The following NECTIN1 variants were observed in gnomAD, a reference collection of about 807,000 sequenced individuals.
NECTIN1 encodes the protein nectin cell adhesion molecule 1.
In NECTIN1, 23 loss-of-function variants were observed where a neutral mutation model predicts 48.0. The observed-to-expected ratio is 0.48, with a 90% CI of 0.34 to 0.68. The LOEUF is 0.68. Ranked by LOEUF, NECTIN1 falls within the 30% of genes least tolerant of loss-of-function variation. The probability of loss-of-function intolerance (pLI) is 0.01; values close to 1 mark genes in which losing one functional copy is unlikely to be tolerated. For missense variants in NECTIN1, 591 were observed against 709.9 expected, an observed-to-expected ratio of 0.83 and a Z score of 1.90; for synonymous variants, 270 against 288.9, an observed-to-expected ratio of 0.93 and a Z score of 0.66.
chr11:119,648,607 G>A (rs1399037423), intron 5 of NECTIN1, among the ~76,000 whole-genome samples: 1 of 151,648 alleles, frequency 6.6e-6, no homozygotes, highest in Non-Finnish European at 1.5e-5. Context: ...AACATCACTG[G>A]TTTGGGGTTA....
At chr11:119,649,587 G>A (rs1048740676) in intron 5 of NECTIN1, among the ~76,000 whole-genome samples, 29 of 151,660 alleles carry the variant, frequency 1.9e-4, no homozygotes, top group Non-Finnish European at 2.4e-4. Context: ...CTACTTGGGA[G>A]GCCGAGACAG....
Position 119,648,000 on chromosome 11 carries a change from G to A in NECTIN1, c.1004-7988C>T, listed in dbSNP as rs1864420076. Among the ~76,000 whole-genome samples the A allele has an allele frequency of 2.1e-5, 3 of 143,030 alleles. No individual in the cohort carries two copies. In the Admixed American group the frequency reaches 2.3e-4, roughly 11 times the overall value. 93.8% of individuals were successfully genotyped at this position (143,030 alleles called of 152,430 possible). On this transcript the variant is annotated intron_variant, in intron 5 of 7. Coordinates refer to the NECTIN1 transcript ENST00000341398. ...AATCACTTGAACCTGGGAGGCGGAG[G>A]CTGCAGTGAGCTGAGATCGTGCCAC...
At chr11:119,712,586 A>G (rs543774230) in intron 1 of NECTIN1, among the ~76,000 whole-genome samples, 1 of 152,232 alleles carries the variant, frequency 6.6e-6, no homozygotes, top group African/African-American at 2.4e-5. Context: ...TCTTCAAAAA[A>G]AAAGGGGAAG....
At chr11:119,641,827 A>G (rs1244680295) in intron 5 of NECTIN1, 1 of 149,194 alleles carries the variant, frequency 6.7e-6, no homozygotes, top group African/African-American at 2.5e-5. Flanking sequence ...GGTTCATGCC[A>G]TTCTCCTGCC....
At chr11:119,690,619 A>C (rs1228758572) in intron 1 of NECTIN1, among the ~76,000 whole-genome samples, 4 of 152,242 alleles carry the variant, frequency 2.6e-5, no homozygotes, top group Non-Finnish European at 1.5e-5. Context: ...CCAGCAGATC[A>C]GGGCCTCAGG....
downstream of NECTIN1, among the ~76,000 whole-genome samples, chr11:119,659,845 C>T (rs549543539): frequency 3.9e-5 from 6 of 152,232 alleles, no homozygotes; most frequent in South Asian, 4.1e-4. Context: ...AATGTAATTA[C>T]GCATTTATTG....
At chr11:119,694,198 C>A (rs78280378) in intron 1 of NECTIN1, among the ~76,000 whole-genome samples, 8,528 of 152,016 alleles carry the variant, frequency 0.056, 570 homozygotes, top group African/African-American at 0.16. Context: ...GATTGCCAAG[C>A]AGTTAGTGGG....
At chr11:119,712,580 C>CA (rs138024431) in intron 1 of NECTIN1, among the ~76,000 whole-genome samples, 6,144 of 150,590 alleles carry the variant, frequency 0.041, 400 homozygotes, top group African/African-American at 0.14. Context: ...TCAAAATCTT[C>CA]AAAAAAAAAG....
Position 119,692,715 on chromosome 11 carries a change from T to C in NECTIN1, c.80-13950A>G, listed in dbSNP as rs1430207553. 4.6e-5 allele frequency among the ~76,000 whole-genome samples: 7 copies of C among 152,220 alleles called. No homozygotes were observed. In the East Asian group the frequency reaches 1.2e-3, roughly 25 times the overall value. Reference sequence around the variant, plus strand: ...TCCTTACAACACTCCAGGAGCGAGATTGTCCCCATCTTAGAGATGAGGAAA... The same window carrying C: ...TCCTTACAACACTCCAGGAGCGAGACTGTCCCCATCTTAGAGATGAGGAAA... On this transcript the variant is annotated intron_variant, in intron 1 of 5. Transcript: ENST00000264025.
At chr11:119,638,272 G>C (rs745391190) in intron 7 of NECTIN1, 2 of 1,613,176 alleles carry the variant, frequency 1.2e-6, no homozygotes, top group South Asian at 2.2e-5. Context: ...GGTGAGTGCT[G>C]CACAGACCTT....
intron 1 of NECTIN1, among the ~76,000 whole-genome samples, chr11:119,711,647 G>T (rs1735356445): frequency 6.6e-6 from 1 of 152,200 alleles, no homozygotes; most frequent in South Asian, 2.1e-4. Context: ...GCATTTCACA[G>T]GTGGGTGTGT....
chr11:119,723,041 C>G (rs1332274602), intron 1 of NECTIN1, among the ~76,000 whole-genome samples: 1 of 151,982 alleles, frequency 6.6e-6, no homozygotes, highest in African/African-American at 2.4e-5. Context: ...CAGGGTGAAA[C>G]CCCGTCTCTA....
rs150385168 is a variant in NECTIN1 at position 119,719,452 on chromosome 11, C to T, written c.79+9023G>A. 2.2e-3 allele frequency among the ~76,000 whole-genome samples: 334 copies of T among 152,336 alleles called. 1 individual carries two copies. The highest frequency in any genetic ancestry group is 7.6e-3 in the African/African-American group (316 of 41,564). On this transcript the variant is annotated intron_variant, in intron 1 of 5. Coordinates refer to ENST00000264025, the MANE Select transcript of NECTIN1 (RefSeq NM_002855.5). ...TGGAATCAGAATCCTGGCTCTGCCACTTACTAGCTGCGTGACCCTGGGCAA... is the reference window on the plus strand; with the variant it reads ...TGGAATCAGAATCCTGGCTCTGCCATTTACTAGCTGCGTGACCCTGGGCAA...
At chr11:119,681,261 G>A (rs923672323) in intron 1 of NECTIN1, among the ~76,000 whole-genome samples, 1 of 152,254 alleles carries the variant, frequency 6.6e-6, no homozygotes, top group Non-Finnish European at 1.5e-5. Context: ...CATAATTGGG[G>A]AACTTGCACC....
intron 1 of NECTIN1, among the ~76,000 whole-genome samples, chr11:119,692,419 G>A (rs956200142): frequency 3.3e-5 from 5 of 152,234 alleles, no homozygotes; most frequent in Admixed American, 3.3e-4. Flanking sequence ...TGATGTGTGT[G>A]TGTGTGTGTG....
chr11:119,670,864 C>T (rs1298871113), intron 5 of NECTIN1, among the ~76,000 whole-genome samples: 1 of 151,958 alleles, frequency 6.6e-6, no homozygotes, highest in Non-Finnish European at 1.5e-5. Context: ...GTCTCGAACT[C>T]CTGATCTCAA....
At chr11:119,700,749 A>G (rs1865437050) in intron 1 of NECTIN1, among the ~76,000 whole-genome samples, 1 of 152,230 alleles carries the variant, frequency 6.6e-6, no homozygotes. Flanking sequence ...GGCTCTGTCA[A>G]GGGCCTCTTG....
At chr11:119,676,887 C>G (rs1591457289) in intron 4 of NECTIN1, 3 of 604,006 alleles carry the variant, frequency 5.0e-6, no homozygotes, top group Non-Finnish European at 9.0e-6. Context: ...GGCAGAATAG[C>G]TTGTTCCATT....
At chr11:119,712,359 C>T (rs989139182) in intron 1 of NECTIN1, among the ~76,000 whole-genome samples, 2 of 118,668 alleles carry the variant, frequency 1.7e-5, no homozygotes, top group Non-Finnish European at 4.0e-5. Context: ...TTCAGGCCCC[C>T]GAGTCTCCAC....
Sources: allele counts gnomAD v4.1 joint callset (sites outside exome capture counted in the v4.1 genomes callset), GRCh38; gene constraint gnomAD v4.1.1; transcripts MANE v1.5; gene names NCBI Gene and HGNC (gene_info 2026-07-23, HGNC 2026-07-21).